The following DNAJC5B variants were observed in gnomAD, a reference collection of about 807,000 sequenced individuals.
The protein encoded by DNAJC5B is DnaJ heat shock protein family (Hsp40) member C5 beta, also known as dnaJ homolog subfamily C member 5B.
DNAJC5B carries 23 observed loss-of-function variants against 24.7 expected under a neutral mutation model. The observed-to-expected ratio is 0.93, with a 90% CI of 0.67 to 1.32. The LOEUF is 1.32. DNAJC5B is among the 40% of genes most tolerant of loss of function. The pLI, the probability that DNAJC5B is intolerant of heterozygous loss-of-function variation, is 0.00. For synonymous variants in DNAJC5B, 101 were observed against 90.1 expected, an observed-to-expected ratio of 1.12 and a Z score of -0.68; for missense variants, 238 against 240.8, an observed-to-expected ratio of 0.99 and a Z score of 0.08.
At chr8:66,084,564 C>A (rs1807678417) in intron 5 of DNAJC5B, among the ~76,000 whole-genome samples, 1 of 152,094 alleles carries the variant, frequency 6.6e-6, no homozygotes, top group Non-Finnish European at 1.5e-5. Flanking sequence ...GGCAGCTGCT[C>A]AGTTGAAAGC....
chr8:66,029,362 GT>G (rs1260805661), intron 1 of DNAJC5B, among the ~76,000 whole-genome samples: 1 of 152,182 alleles, frequency 6.6e-6, no homozygotes, highest in African/African-American at 2.4e-5. Flanking sequence ...TAGAAACTGG[GT>G]TTGAGTGGAC....
chr8:66,056,479 T>A (rs1198963487), intron 3 of DNAJC5B: 2 of 152,148 alleles, frequency 1.3e-5, no homozygotes, highest in Non-Finnish European at 2.9e-5. Context: ...GGAAAATCCC[T>A]TCACCTAAAG....
chr8:66,038,668 G>A (rs1373232071), intron 1 of DNAJC5B, among the ~76,000 whole-genome samples: 2 of 152,096 alleles, frequency 1.3e-5, no homozygotes, highest in Non-Finnish European at 2.9e-5. Context: ...TACCATCCTT[G>A]TTTTTGTTTT....
intron 1 of DNAJC5B, among the ~76,000 whole-genome samples, chr8:66,022,956 C>T (rs1195096915): frequency 6.6e-6 from 1 of 152,138 alleles, no homozygotes; most frequent in African/African-American, 2.4e-5. Context: ...CAGATAATAC[C>T]CACAAAACAC....
rs572317300 is a variant in DNAJC5B, at chr8:66,067,002, T to C, written c.120-9658T>C. 7.9e-5 allele frequency among the ~76,000 whole-genome samples: 12 copies of C among 152,248 alleles called. No homozygotes were observed. The East Asian group carries it at 2.1e-3, about 27-fold the overall frequency. On this transcript the variant is annotated intron_variant, in intron 3 of 5. Transcript: ENST00000276570. Reference sequence around the variant, plus strand: ...GCTAGGGGCCAATACACAAAGGCTGTCTTTGGCTCATATGTGTAACAGCAT... The same window carrying C: ...GCTAGGGGCCAATACACAAAGGCTGCCTTTGGCTCATATGTGTAACAGCAT...
At chr8:66,075,757 C>A (rs1448619310) in intron 3 of DNAJC5B, among the ~76,000 whole-genome samples, 4 of 152,202 alleles carry the variant, frequency 2.6e-5, no homozygotes, top group Non-Finnish European at 5.9e-5. Context: ...CTTAAATATT[C>A]ATCTACTTCC....
intron 1 of DNAJC5B, among the ~76,000 whole-genome samples, chr8:66,024,565 A>C: frequency 9.6e-6 from 1 of 104,642 alleles, no homozygotes; most frequent in Non-Finnish European, 1.9e-5. Flanking sequence ...TCCCAATGCT[A>C]TCCCTCCCCC....
At chr8:66,074,693 C>A (rs28491110) in intron 3 of DNAJC5B, among the ~76,000 whole-genome samples, 11,528 of 152,228 alleles carry the variant, frequency 0.076, 695 homozygotes, top group African/African-American at 0.16. Context: ...TCCTTAAACT[C>A]TACATTCTAT....
At chr8:66,060,817 C>A (rs186346380) in intron 3 of DNAJC5B, among the ~76,000 whole-genome samples, 1 of 152,178 alleles carries the variant, frequency 6.6e-6, no homozygotes, top group East Asian at 1.9e-4. Flanking sequence ...CATTATTCAA[C>A]GAATATGTAT....
chr8:66,069,850 G>C (rs909158540), intron 3 of DNAJC5B, among the ~76,000 whole-genome samples: 4 of 152,192 alleles, frequency 2.6e-5, no homozygotes, highest in Non-Finnish European at 5.9e-5. Context: ...ACATCAAAAG[G>C]CTTGTCCATC....
intron 3 of DNAJC5B, among the ~76,000 whole-genome samples, chr8:66,075,093 G>T (rs575073546): frequency 9.9e-5 from 15 of 152,170 alleles, no homozygotes; most frequent in African/African-American, 3.6e-4. Flanking sequence ...GTTTGATTTG[G>T]AGTCTCGCTG....
intron 3 of DNAJC5B, among the ~76,000 whole-genome samples, chr8:66,053,434 A>G (rs1806894993): frequency 6.6e-6 from 1 of 152,238 alleles, no homozygotes; most frequent in African/African-American, 2.4e-5. Context: ...ACTTGCAAAA[A>G]AAAATGTTGA....
intron 3 of DNAJC5B, among the ~76,000 whole-genome samples, chr8:66,074,910 C>T (rs942473340): frequency 1.3e-5 from 2 of 152,122 alleles, no homozygotes; most frequent in African/African-American, 4.8e-5. Context: ...TCCAGCTCTC[C>T]GAATTTGCCA....
chr8:66,032,500 C>A (rs1400276299), intron 1 of DNAJC5B, among the ~76,000 whole-genome samples: 1 of 152,194 alleles, frequency 6.6e-6, no homozygotes, highest in African/African-American at 2.4e-5. Flanking sequence ...CCCCACTCTG[C>A]TTGGGAGGGA....
At chr8:66,042,797 G>A (rs551126639) in intron 1 of DNAJC5B, among the ~76,000 whole-genome samples, 4 of 147,020 alleles carry the variant, frequency 2.7e-5, no homozygotes, top group Admixed American at 7.1e-5. Context: ...CTGGAAATCC[G>A]AAGGTATCTA....
intron 3 of DNAJC5B, among the ~76,000 whole-genome samples, chr8:66,063,889 A>C (rs1031983709): frequency 1.4e-4 from 21 of 152,136 alleles, no homozygotes; most frequent in Middle Eastern, 6.8e-3. Flanking sequence ...AACCTTATTA[A>C]ATTTTACTCT....
chr8:66,044,597 G>A (rs1357761895), intron 2 of DNAJC5B, among the ~76,000 whole-genome samples: 2 of 152,128 alleles, frequency 1.3e-5, no homozygotes, highest in African/African-American at 4.8e-5. Context: ...TTGGGGGGTT[G>A]TACCTTCTTT....
chr8:66,055,747 A>C (rs1806948194), intron 3 of DNAJC5B, among the ~76,000 whole-genome samples: 1 of 152,192 alleles, frequency 6.6e-6, no homozygotes, highest in Non-Finnish European at 1.5e-5. Context: ...GTTTGAGACC[A>C]GCCTGGCAAA....
At chr8:66,044,981 T>C (rs770343588) in intron 2 of DNAJC5B, among the ~76,000 whole-genome samples, 5 of 152,254 alleles carry the variant, frequency 3.3e-5, no homozygotes, top group Non-Finnish European at 5.9e-5. Flanking sequence ...AGAGATTTTA[T>C]GTTATTATGT....
Sources: allele counts gnomAD v4.1 joint callset (sites outside exome capture counted in the v4.1 genomes callset), GRCh38; gene constraint gnomAD v4.1.1; transcripts MANE v1.5; gene names NCBI Gene and HGNC (gene_info 2026-07-23, HGNC 2026-07-21).